The following SEMA3A variants were observed in gnomAD, a reference collection of about 807,000 sequenced individuals.
SEMA3A encodes semaphorin 3A, also known as semaphorin-3A.
Under a neutral mutation model 97.9 loss-of-function variants are expected in SEMA3A, and 29 were observed. That is an observed-to-expected ratio of 0.30 (90% CI 0.22 to 0.40). SEMA3A has a LOEUF of 0.40. SEMA3A is among the 10% of genes least tolerant of loss of function. The pLI, the probability that SEMA3A is intolerant of heterozygous loss-of-function variation, is 1.00. For missense variants in SEMA3A, 763 were observed against 951.3 expected (o/e 0.80, Z 2.60); for synonymous variants, 321 against 323.7 (o/e 0.99, Z 0.09).
At chr7:84,194,798 A>C, upstream of SEMA3A, 22 of 185,126 alleles carry the variant, frequency 1.2e-4, no homozygotes, top group East Asian at 8.1e-4. Context: ...TCCAAAAAGA[A>C]AAAAAAAAAA....
intron 3 of SEMA3A, among the ~76,000 whole-genome samples, chr7:84,269,783 T>C (rs1800097640): frequency 6.6e-6 from 1 of 152,162 alleles, no homozygotes; most frequent in Non-Finnish European, 1.5e-5. Context: ...AACATTTACC[T>C]ATGCGACATA....
intron 2 of SEMA3A, among the ~76,000 whole-genome samples, chr7:84,338,724 C>A (rs1172712328): frequency 6.6e-6 from 1 of 152,168 alleles, no homozygotes; most frequent in East Asian, 1.9e-4. Context: ...CCAGTTCTAT[C>A]TTCACATGGA....
chr7:84,314,009 A>G (rs892315460), intron 2 of SEMA3A, among the ~76,000 whole-genome samples: 5 of 152,100 alleles, frequency 3.3e-5, no homozygotes, highest in Non-Finnish European at 5.9e-5. Flanking sequence ...TGCTCATTGA[A>G]TGAGTTTATG....
At chr7:84,421,393 C>A (rs1413533960) in intron 1 of SEMA3A, among the ~76,000 whole-genome samples, 1 of 151,928 alleles carries the variant, frequency 6.6e-6, no homozygotes, top group African/African-American at 2.4e-5. Context: ...CAAGTTTAAG[C>A]AAAGGGACAC....
Position 84,080,633 on chromosome 7 carries a change from G to A in SEMA3A, c.454-20075C>T, listed in dbSNP as rs1165021228. ...GTCGCCCAGGCTGGAGTGCAGTGGC[G>A]GGATCTCGGCTCACTGCAAGCTCCG... is the stretch of plus-strand genomic sequence containing the variant. On this transcript the variant is annotated intron_variant, in intron 4 of 16. Coordinates refer to ENST00000265362, the MANE Select transcript of SEMA3A (RefSeq NM_006080.3). Among the ~76,000 whole-genome samples, 6 of 1,264 alleles carry A rather than the reference G, an allele frequency of 4.7e-3. 2 individuals carry two copies. Among genetic ancestry groups the A allele is most frequent in the Non-Finnish European group, 8.2e-3 (6 of 734 alleles). The allele number at this position is 1,264 out of a possible 152,430, so 0.8% of individuals were successfully genotyped here. A position where few individuals can be genotyped will look rare whatever the true frequency, so the allele number is the denominator to read the frequency against.
intron 9 of SEMA3A, 98 bp from the exon 10 acceptor site, chr7:84,007,595 A>T: frequency 2.1e-6 from 2 of 946,868 alleles, no homozygotes; most frequent in Non-Finnish European, 2.8e-6. Flanking sequence ...ATGATTTATT[A>T]AAATATGAAT....
At chr7:84,193,313 C>T (rs913747094) in intron 1 of SEMA3A, among the ~76,000 whole-genome samples, 8 of 151,998 alleles carry the variant, frequency 5.3e-5, no homozygotes, top group East Asian at 1.9e-4. Flanking sequence ...AGATGTTCCC[C>T]ATCATATGAG....
At chr7:84,003,283 G>C (rs1562966368) in intron 11 of SEMA3A, among the ~76,000 whole-genome samples, 1 of 152,082 alleles carries the variant, frequency 6.6e-6, no homozygotes, top group East Asian at 1.9e-4. Context: ...AAAGATTAAA[G>C]GTAAATTAGG....
chr7:84,063,408 A>T (rs1464612604), intron 4 of SEMA3A, among the ~76,000 whole-genome samples: 3 of 151,502 alleles, frequency 2.0e-5, no homozygotes, highest in African/African-American at 7.3e-5. Context: ...AACGGAACAA[A>T]GCTGGATGGA....
chr7:84,422,773 C>T (rs571601106), intron 1 of SEMA3A, among the ~76,000 whole-genome samples: 18 of 152,086 alleles, frequency 1.2e-4, no homozygotes, highest in African/African-American at 4.3e-4. Context: ...TTGTTATGTA[C>T]CCAGTAGTCA....
intron 1 of SEMA3A, among the ~76,000 whole-genome samples, chr7:84,439,544 G>T (rs1159666504): frequency 5.3e-5 from 8 of 152,016 alleles, no homozygotes; most frequent in Admixed American, 5.2e-4. Context: ...TAAATTTCTG[G>T]ATTATGTCTG....
intron 1 of SEMA3A, among the ~76,000 whole-genome samples, chr7:84,487,236 C>A (rs1344240637): frequency 6.6e-6 from 1 of 152,012 alleles, no homozygotes; most frequent in Non-Finnish European, 1.5e-5. Context: ...CCCAGGTGGC[C>A]AGGAGTCTAA....
At chr7:84,075,958 T>C (rs73378832) in intron 4 of SEMA3A, among the ~76,000 whole-genome samples, 2,176 of 152,320 alleles carry the variant, frequency 0.014, 52 homozygotes, top group African/African-American at 0.05. Context: ...TGTAAAATTA[T>C]TGATTGCATA....
At chr7:84,021,541 G>A (rs142941040) in intron 6 of SEMA3A, among the ~76,000 whole-genome samples, 1,669 of 152,122 alleles carry the variant, frequency 0.011, 30 homozygotes, top group African/African-American at 0.038. Flanking sequence ...TCCAAACCAC[G>A]TTGTATGGTC....
At chr7:84,392,746 G>A (rs1429404385) in intron 1 of SEMA3A, among the ~76,000 whole-genome samples, 2 of 152,104 alleles carry the variant, frequency 1.3e-5, no homozygotes, top group African/African-American at 2.4e-5. Context: ...TAACAGATGT[G>A]AGGTGTTAAA....
chr7:84,173,097 C>T lies in SEMA3A; in HGVS notation c.112+21378G>A, dbSNP rs111802119. Among the ~76,000 whole-genome samples the T allele has an allele frequency of 9.6e-3, 1,465 of 152,110 alleles. 22 individuals are homozygous for T. The highest frequency in any genetic ancestry group is 0.033 in the African/African-American group (1,372 of 41,474). On this transcript the variant is annotated intron_variant, in intron 1 of 16. Transcript: ENST00000265362. ...TTCAGAGGAAAAGTACAGTAGGAAG[C>T]GATAACTTTTTGAAGTAAAAGCATA... is the stretch of plus-strand genomic sequence containing the variant.
chr7:84,477,532 T>C (rs555773642), intron 1 of SEMA3A, among the ~76,000 whole-genome samples: 15 of 152,062 alleles, frequency 9.9e-5, no homozygotes, highest in African/African-American at 3.4e-4. Flanking sequence ...AATGTGTATA[T>C]TGGAGAAGAC....
At chr7:84,173,988 G>A (rs540155682) in intron 1 of SEMA3A, among the ~76,000 whole-genome samples, 1 of 152,230 alleles carries the variant, frequency 6.6e-6, no homozygotes, top group Admixed American at 6.5e-5. Context: ...TGCTAGCGCT[G>A]GGGAGCAGTT....
At chr7:84,417,975 G>A (rs1247041716) in intron 1 of SEMA3A, among the ~76,000 whole-genome samples, 1 of 152,106 alleles carries the variant, frequency 6.6e-6, no homozygotes, top group Non-Finnish European at 1.5e-5. Context: ...GAGGAAGAAT[G>A]ACAGTTTTTA....
Sources: allele counts gnomAD v4.1 joint callset (sites outside exome capture counted in the v4.1 genomes callset), GRCh38; gene constraint gnomAD v4.1.1; transcripts MANE v1.5; gene names NCBI Gene and HGNC (gene_info 2026-07-23, HGNC 2026-07-21).